Variants in EML4 observed in about 807,000 individuals in gnomAD.
EML4 encodes the protein EMAP like 4, also known as echinoderm microtubule-associated protein-like 4.
In EML4, 72 loss-of-function variants were observed where a neutral mutation model predicts 129.0. The observed-to-expected ratio is 0.56, with a 90% CI of 0.46 to 0.68. EML4 has a LOEUF of 0.68. EML4 is among the 30% of genes least tolerant of loss of function. EML4 has a pLI of 0.00. For missense variants in EML4, 1,363 were observed against 1,190.6 expected (o/e 1.14, Z -2.13); for synonymous variants, 532 against 405.0 (o/e 1.31, Z -3.77).
At chr2:42,295,324 A>G in intron 12 of EML4, 57 bp from the exon 13 acceptor site, 1 of 1,601,084 alleles carries the variant, frequency 6.2e-7, no homozygotes, top group Non-Finnish European at 8.5e-7. Context: ...ATTGTTTAAT[A>G]AGCATCAAGT....
intron 1 of EML4, among the ~76,000 whole-genome samples, chr2:42,234,677 G>T (rs1674547714): frequency 6.6e-6 from 1 of 152,200 alleles, no homozygotes; most frequent in Admixed American, 6.5e-5. Flanking sequence ...TATTCCTGTT[G>T]AGAGGACAGG....
chr2:42,187,568 C>A (rs1387689216), intron 1 of EML4, among the ~76,000 whole-genome samples: 1 of 152,078 alleles, frequency 6.6e-6, no homozygotes, highest in Non-Finnish European at 1.5e-5. Context: ...TTGGCTGTTA[C>A]GAATAAAGCT....
intron 19 of EML4, among the ~76,000 whole-genome samples, chr2:42,322,577 ATTCTTTCACT>A (rs1669577471): frequency 6.6e-6 from 1 of 152,256 alleles, no homozygotes; most frequent in South Asian, 2.1e-4. Flanking sequence ...TCATAGCCAT[ATTCTTTCACT>A]TTGTCACTTG....
chr2:42,250,406 G>A lies in EML4; in HGVS notation c.208+4719G>A, dbSNP rs543698649. Among the ~76,000 whole-genome samples the A allele has an allele frequency of 5.9e-5, 9 of 152,254 alleles. No individual in the cohort carries two copies. The South Asian group carries it at 6.2e-4, about 11-fold the overall frequency. On this transcript the variant is annotated intron_variant, in intron 2 of 22. Transcript: ENST00000318522. ...TCATAGGTTTGCTGTAAATGTTATC[G>A]ATAAGCACATTACCTCCATCAGCTT...
intron 1 of EML4, among the ~76,000 whole-genome samples, chr2:42,178,134 T>C (rs963859903): frequency 3.3e-5 from 5 of 152,196 alleles, no homozygotes; most frequent in African/African-American, 1.2e-4. Flanking sequence ...CAGAAAGATA[T>C]TTATTAGTTG....
intron 1 of EML4, among the ~76,000 whole-genome samples, chr2:42,230,725 G>T (rs1479114642): frequency 6.6e-6 from 1 of 152,184 alleles, no homozygotes; most frequent in Non-Finnish European, 1.5e-5. Flanking sequence ...TCTTTAACCA[G>T]GTCTTCTCAG....
Position 42,304,512 on chromosome 2 carries a change from C to T in EML4, c.1928C>T (p.Pro643Leu). ...CCAGGACACTGTGCAGATTTTCATC[C>T]AAGTGGCACAGTGGTGGCCATAGGA... is the stretch of plus-strand genomic sequence containing the variant. The part of the protein sequence containing the change: ...DEPGHCADFH[P>L]SGTVVAIGTH... The change falls in exon 17 of 23, where the codon CCA becomes CTA. Residue 643 changes from proline to leucine, a missense_variant. Coordinates refer to ENST00000318522, the MANE Select transcript of EML4 (RefSeq NM_019063.5). 6.2e-7 allele frequency: 1 copy of T among 1,614,006 alleles called. No individual in the cohort carries two copies. The highest frequency in any genetic ancestry group is 8.5e-7 in the Non-Finnish European group (1 of 1,179,930).
In EML4 at chr2:42,323,323, A is replaced by G. The variant is rs182961437; in HGVS notation, c.2155-2144A>G. Among the ~76,000 whole-genome samples, 476 of 152,306 alleles carry G rather than the reference A, an allele frequency of 3.1e-3. 2 individuals carry two copies. The highest frequency in any genetic ancestry group is 0.011 in the African/African-American group (458 of 41,576). On this transcript the variant is annotated intron_variant, in intron 19 of 22. Transcript: ENST00000318522. ...CATACTCAGAAAATAGCCAACATCC[A>G]TGTGCATCTTGCTGTCTCTGAAAAT...
chr2:42,201,149 C>T (rs1357052555), intron 1 of EML4, among the ~76,000 whole-genome samples: 1 of 152,192 alleles, frequency 6.6e-6, no homozygotes, highest in African/African-American at 2.4e-5. Context: ...TTGTTGGCTA[C>T]ATGCTAGCTG....
At chr2:42,317,547 T>G (rs755141552) in intron 19 of EML4, 23 bp downstream of exon 19, 1 of 1,525,698 alleles carries the variant, frequency 6.6e-7, no homozygotes. Flanking sequence ...GTAGAACAAG[T>G]TGTAAAATTA....
chr2:42,260,535 T>C (rs1348421040), intron 3 of EML4, among the ~76,000 whole-genome samples: 2 of 152,242 alleles, frequency 1.3e-5, no homozygotes. Flanking sequence ...AACTCATTTT[T>C]TTTGTAGTCT....
intron 19 of EML4, among the ~76,000 whole-genome samples, chr2:42,324,932 G>A (rs1669705909): frequency 6.6e-6 from 1 of 152,182 alleles, no homozygotes; most frequent in African/African-American, 2.4e-5. Flanking sequence ...ATGGAGTACA[G>A]CGTTGGGTGA....
At chr2:42,207,481 G>A (rs1036329996) in intron 1 of EML4, among the ~76,000 whole-genome samples, 3 of 152,290 alleles carry the variant, frequency 2.0e-5, no homozygotes, top group South Asian at 2.1e-4. Flanking sequence ...TGATGGATGA[G>A]TTGTCAGTTT....
At chr2:42,257,767 G>T (rs1360621461) in intron 3 of EML4, among the ~76,000 whole-genome samples, 1 of 151,938 alleles carries the variant, frequency 6.6e-6, no homozygotes, top group Non-Finnish European at 1.5e-5. Flanking sequence ...AACCCAGGAG[G>T]GGGAGCTTGC....
At chr2:42,284,361 C>A (rs1444079213) in intron 8 of EML4, among the ~76,000 whole-genome samples, 1 of 152,186 alleles carries the variant, frequency 6.6e-6, no homozygotes, top group African/African-American at 2.4e-5. Flanking sequence ...AAAGGAACTT[C>A]AGCAAATGAA....
chr2:42,195,422 C>T (rs1671841365), intron 1 of EML4, among the ~76,000 whole-genome samples: 1 of 152,102 alleles, frequency 6.6e-6, no homozygotes, highest in Non-Finnish European at 1.5e-5. Context: ...TTTTAGTAAA[C>T]ATTAGAAATA....
At chr2:42,288,421 C>T (rs1043721435) in intron 11 of EML4, 99 bp downstream of exon 11, 5 of 529,888 alleles carry the variant, frequency 9.4e-6, no homozygotes, top group Admixed American at 6.7e-5. Context: ...ATTCGTAAGT[C>T]GCAAAAGCAG....
intron 1 of EML4, among the ~76,000 whole-genome samples, chr2:42,220,406 G>A (rs1408884042): frequency 6.6e-6 from 1 of 151,962 alleles, no homozygotes; most frequent in Non-Finnish European, 1.5e-5. Context: ...CTCTTACGGT[G>A]ACCTGTGATC....
chr2:42,280,221 T>G (rs1214733057), intron 6 of EML4, among the ~76,000 whole-genome samples: 1 of 152,236 alleles, frequency 6.6e-6, no homozygotes, highest in African/African-American at 2.4e-5. Flanking sequence ...TTCTTTAGCA[T>G]TTTTCTACTC....
Sources: gnomAD v4.1 joint callset for allele counts (sites outside exome capture counted in the v4.1 genomes callset) on GRCh38, gnomAD v4.1.1 for gene constraint, MANE v1.5 for transcripts, NCBI Gene and HGNC (gene_info 2026-07-23, HGNC 2026-07-21) for gene names.